XIRP2: variants seen among roughly 807,000 people sequenced by gnomAD.
XIRP2 encodes xin actin binding repeat containing 2.
XIRP2 carries 236 observed loss-of-function variants against 277.0 expected under a neutral mutation model. That is an observed-to-expected ratio of 0.85 (90% CI 0.77 to 0.95). The LOEUF (loss-of-function observed/expected upper bound fraction) is 0.95. XIRP2 is among the 40% of genes least tolerant of loss of function. The pLI, the probability that XIRP2 is intolerant of heterozygous loss-of-function variation, is 0.00. For synonymous variants in XIRP2, 1,490 were observed against 1,416.5 expected (o/e 1.05, Z -1.17); for missense variants, 4,640 against 4,157.5 (o/e 1.12, Z -3.19).
intron 2 of XIRP2, among the ~76,000 whole-genome samples, chr2:166,926,381 G>C (rs1685189433): frequency 6.6e-6 from 1 of 151,944 alleles, no homozygotes; most frequent in African/African-American, 2.4e-5. Flanking sequence ...ATAGCTACTG[G>C]TCTTGATTTA....
chr2:166,903,350 G>T lies in XIRP2; in HGVS notation c.-18-115G>T. 2.0e-6 allele frequency: 2 copies of T among 999,724 alleles called. 1 individual carries two copies. The allele number at this position is 999,724 out of a possible 1,614,324, so 61.9% of individuals were successfully genotyped here. A position where few individuals can be genotyped will look rare whatever the true frequency, so the allele number is the denominator to read the frequency against. On this transcript the variant is annotated intron_variant, in intron 1 of 10. Coordinates refer to ENST00000409195, the MANE Select transcript of XIRP2 (RefSeq NM_152381.6). ...TTGTGTGGAATTGTATAGGAAAGCT[G>T]GATTTCTTTACTAAGACCCAAACCC...
chr2:166,912,418 C>A (rs1218486288), intron 2 of XIRP2, among the ~76,000 whole-genome samples: 1 of 152,190 alleles, frequency 6.6e-6, no homozygotes, highest in African/African-American at 2.4e-5. Context: ...GAAGCTTGTG[C>A]ATTCGTCACA....
At chr2:167,127,748 T>A (rs112149066) in intron 2 of XIRP2, among the ~76,000 whole-genome samples, 7,014 of 152,252 alleles carry the variant, frequency 0.046, 240 homozygotes, top group African/African-American at 0.093. Flanking sequence ...ATTCACTTCC[T>A]GGCCCTTAAG....
chr2:166,916,541 T>C (rs970207893), intron 2 of XIRP2, among the ~76,000 whole-genome samples: 1 of 152,162 alleles, frequency 6.6e-6, no homozygotes, highest in Non-Finnish European at 1.5e-5. Context: ...AAAATGCAGC[T>C]TAATATTAGT....
chr2:166,951,806 A>G (rs557369656), intron 2 of XIRP2, among the ~76,000 whole-genome samples: 1 of 152,126 alleles, frequency 6.6e-6, no homozygotes, highest in Non-Finnish European at 1.5e-5. Flanking sequence ...CTTCAGCTAC[A>G]CTGAAACACT....
chr2:167,197,407 T>C (rs1693550276), intron 3 of XIRP2, among the ~76,000 whole-genome samples: 1 of 152,154 alleles, frequency 6.6e-6, no homozygotes, highest in East Asian at 1.9e-4. Flanking sequence ...AAATGCTTAA[T>C]GGGCACCCAC....
intron 3 of XIRP2, among the ~76,000 whole-genome samples, chr2:167,181,909 C>A (rs1052222363): frequency 5.3e-5 from 8 of 152,124 alleles, no homozygotes; most frequent in Admixed American, 1.3e-4. Context: ...CCTGGACCAT[C>A]CCAGCTTATG....
chr2:166,925,605 A>G (rs1385595702), intron 2 of XIRP2, among the ~76,000 whole-genome samples: 1 of 126,850 alleles, frequency 7.9e-6, no homozygotes, highest in Non-Finnish European at 1.5e-5. Context: ...ACATATATAT[A>G]TATATATATA....
At chr2:167,170,713 C>A (rs77484095) in intron 3 of XIRP2, among the ~76,000 whole-genome samples, 14,990 of 151,960 alleles carry the variant, frequency 0.099, 787 homozygotes, top group South Asian at 0.15. Flanking sequence ...AGCAATCTTG[C>A]TAGACGTTAG....
At chr2:167,104,183 T>C (rs752496599) in intron 2 of XIRP2, among the ~76,000 whole-genome samples, 11 of 152,176 alleles carry the variant, frequency 7.2e-5, no homozygotes, top group Non-Finnish European at 1.5e-4. Flanking sequence ...AGGATTTTAG[T>C]ATTTTTACTT....
chr2:167,022,405 T>G (rs1489545431), intron 2 of XIRP2, among the ~76,000 whole-genome samples: 1 of 152,134 alleles, frequency 6.6e-6, no homozygotes, highest in Non-Finnish European at 1.5e-5. Context: ...ACATTTAATT[T>G]TCTCAGAACA....
intron 3 of XIRP2, among the ~76,000 whole-genome samples, chr2:167,163,966 A>T (rs1394712326): frequency 6.6e-6 from 1 of 152,116 alleles, no homozygotes; most frequent in Non-Finnish European, 1.5e-5. Context: ...AATACATTGT[A>T]TTCTGTTTTA....
At chr2:166,971,619 A>G (rs531307081) in intron 2 of XIRP2, among the ~76,000 whole-genome samples, 1 of 152,232 alleles carries the variant, frequency 6.6e-6, no homozygotes, top group East Asian at 1.9e-4. Flanking sequence ...TTTTACTGAT[A>G]TCATGACTTT....
At chr2:167,184,666 G>T in intron 3 of XIRP2, 2 of 714,188 alleles carry the variant, frequency 2.8e-6, no homozygotes, top group South Asian at 1.5e-5. Flanking sequence ...TTCTTGAATT[G>T]TACTGCTTCT....
intron 2 of XIRP2, among the ~76,000 whole-genome samples, chr2:167,069,307 G>A (rs879126181): frequency 6.6e-6 from 1 of 152,106 alleles, no homozygotes; most frequent in Admixed American, 6.6e-5. Flanking sequence ...CACTAATGCA[G>A]AACCCATGTG....
chr2:167,011,439 A>G (rs1687676805), intron 2 of XIRP2, among the ~76,000 whole-genome samples: 1 of 150,568 alleles, frequency 6.6e-6, no homozygotes. Context: ...ATCATGGTGG[A>G]TAAGGTTTTT....
intron 2 of XIRP2, among the ~76,000 whole-genome samples, chr2:166,971,729 A>C (rs1686582856): frequency 6.6e-6 from 1 of 152,090 alleles, no homozygotes; most frequent in Non-Finnish European, 1.5e-5. Context: ...ATTTAATGAA[A>C]AATATTTTGT....
intron 2 of XIRP2, among the ~76,000 whole-genome samples, chr2:167,057,118 A>G (rs567541085): frequency 2.6e-5 from 4 of 152,248 alleles, no homozygotes; most frequent in African/African-American, 7.2e-5. Context: ...TTTATTATCT[A>G]TTACCATCAT....
intron 3 of XIRP2, among the ~76,000 whole-genome samples, chr2:167,164,445 CAA>C (rs36066566): frequency 2.5e-3 from 115 of 46,588 alleles, no homozygotes; most frequent in East Asian, 7.7e-3. Flanking sequence ...GACTCCGTCT[CAA>C]AAAAAAAAAA....
Sources: gnomAD v4.1 joint callset for allele counts (sites outside exome capture counted in the v4.1 genomes callset) on GRCh38, gnomAD v4.1.1 for gene constraint, MANE v1.5 for transcripts, NCBI Gene and HGNC (gene_info 2026-07-23, HGNC 2026-07-21) for gene names.